Variants in ARID1B observed in about 807,000 individuals in gnomAD.
The protein encoded by ARID1B is AT-rich interaction domain 1B.
ARID1B carries 30 observed loss-of-function variants against 212.3 expected under a neutral mutation model. That is an observed-to-expected ratio of 0.14 (90% confidence interval 0.11 to 0.19). ARID1B has a LOEUF of 0.19. Among genes scored for constraint, ARID1B ranks in the 10% least tolerant of loss-of-function variants. ARID1B has a pLI of 1.00. For missense variants in ARID1B, 2,891 were observed against 3,204.0 expected (o/e 0.90, Z 2.36); for synonymous variants, 1,402 against 1,301.7 (o/e 1.08, Z -1.66).
intron 3 of ARID1B, among the ~76,000 whole-genome samples, chr6:156,914,899 C>CT (rs1331714591): frequency 4.6e-5 from 7 of 151,270 alleles, no homozygotes; most frequent in African/African-American, 1.2e-4. Flanking sequence ...CTTTTTTTTT[C>CT]TTTTTTTCCA....
At chr6:156,780,937 C>A (rs998137695) in intron 1 of ARID1B, among the ~76,000 whole-genome samples, 1 of 152,086 alleles carries the variant, frequency 6.6e-6, no homozygotes, top group African/African-American at 2.4e-5. Flanking sequence ...TTTACAAATT[C>A]AACTATGGAA....
chr6:156,810,694 G>A (rs1781496005), intron 1 of ARID1B, among the ~76,000 whole-genome samples: 2 of 152,264 alleles, frequency 1.3e-5, no homozygotes, highest in South Asian at 4.2e-4. Context: ...TGAAAGATGA[G>A]GAATCAGCCC....
intron 1 of ARID1B, among the ~76,000 whole-genome samples, chr6:156,817,893 G>C (rs1009272056): frequency 1.3e-5 from 2 of 151,984 alleles, no homozygotes; most frequent in African/African-American, 4.8e-5. Context: ...AGATACTTCA[G>C]GGTGTATTTC....
chr6:156,875,467 TG>T (rs1240078564), intron 2 of ARID1B, among the ~76,000 whole-genome samples: 4 of 152,260 alleles, frequency 2.6e-5, no homozygotes, highest in Non-Finnish European at 4.4e-5. Flanking sequence ...AAAAGCCAGG[TG>T]AGGTGAGAAA....
intron 4 of ARID1B, among the ~76,000 whole-genome samples, chr6:156,975,171 A>G (rs764531584): frequency 1.7e-4 from 26 of 152,284 alleles, no homozygotes; most frequent in Non-Finnish European, 3.5e-4. Context: ...ACCAGCACTT[A>G]TCTTTTGTCT....
rs574035888 is a variant in ARID1B at position 156,981,883 on chromosome 6, C to T, written c.2247+46307C>T. Among the ~76,000 whole-genome samples the T allele has an allele frequency of 2.0e-5, 3 of 152,220 alleles. No homozygotes were observed. In the South Asian group the frequency reaches 6.2e-4, roughly 32 times the overall value. On this transcript the variant is annotated intron_variant, in intron 4 of 19. Transcript: ENST00000636930. ...ACAACTGGGCAGTGCAGTCTTCATG[C>T]GGTCATACCTGCCAGAGAAGTTTTT...
intron 4 of ARID1B, among the ~76,000 whole-genome samples, chr6:157,058,417 A>C (rs1329969269): frequency 6.6e-6 from 1 of 151,978 alleles, no homozygotes; most frequent in African/African-American, 2.4e-5. Flanking sequence ...GGTACACACC[A>C]CCATGCTGGG....
At chr6:156,950,133 G>C (rs1238602884) in intron 4 of ARID1B, among the ~76,000 whole-genome samples, 1 of 152,152 alleles carries the variant, frequency 6.6e-6, no homozygotes, top group Non-Finnish European at 1.5e-5. Flanking sequence ...CAGTGATTGG[G>C]GTTCACCCTC....
At chr6:156,893,421 G>A (rs571607976) in intron 2 of ARID1B, among the ~76,000 whole-genome samples, 29 of 152,236 alleles carry the variant, frequency 1.9e-4, no homozygotes, top group Admixed American at 1.6e-3. Context: ...ACAAAAGAAA[G>A]GACAGACAAA....
At chr6:156,894,679 C>T (rs553021250) in intron 2 of ARID1B, among the ~76,000 whole-genome samples, 2 of 152,282 alleles carry the variant, frequency 1.3e-5, no homozygotes, top group East Asian at 3.9e-4. Context: ...AAAGGAGGAA[C>T]AAACTGATAA....
At chr6:156,841,177 AT>A (rs773638734) in intron 2 of ARID1B, among the ~76,000 whole-genome samples, 2 of 152,182 alleles carry the variant, frequency 1.3e-5, no homozygotes, top group African/African-American at 4.8e-5. Context: ...TTGTGCTGGG[AT>A]CACGGAAAGG....
chr6:157,050,583 G>A (rs1562578389), intron 4 of ARID1B, among the ~76,000 whole-genome samples: 3 of 152,060 alleles, frequency 2.0e-5, no homozygotes, highest in African/African-American at 7.2e-5. Context: ...GAATAATTTG[G>A]GAAGAAGAAA....
chr6:157,103,211 A>G (rs550595038), intron 5 of ARID1B, among the ~76,000 whole-genome samples: 2 of 152,300 alleles, frequency 1.3e-5, no homozygotes, highest in Admixed American at 6.5e-5. Flanking sequence ...CTAATTATCT[A>G]TTAATCTGAG....
intron 2 of ARID1B, among the ~76,000 whole-genome samples, chr6:156,863,028 A>G (rs1785444099): frequency 6.6e-6 from 1 of 152,240 alleles, no homozygotes; most frequent in African/African-American, 2.4e-5. Context: ...TCCTGGAGAC[A>G]GTGCCGGGTC....
At position 157,201,480 on chromosome 6, in the gene ARID1B, A is replaced by G; in HGVS notation, c.5255A>G (p.Lys1752Arg). The part of the protein sequence containing the change: ...VLKQRRKITS[K>R]DIVTPEAWRV... ...AAACAAAGGCGAAAGATTACCTCCA[A>G]AGATATCGGTAAGAATTCCAAAGCT... Residue 1752 changes from lysine to arginine, a missense_variant, in exon 18 of 20, where the codon AAA becomes AGA. By Grantham distance (26) the Lys-to-Arg change is conservative (BLOSUM62 2). Around this residue, in one of 7 missense-constraint regions of ARID1B, gnomAD observed 666 missense variants for 873.5 expected, o/e 0.76. Coordinates refer to ENST00000636930, the MANE Select transcript of ARID1B (RefSeq NM_001374828.1). This position sits in a 1 kb window ranked among gnomAD's most constrained non-coding sequence, Gnocchi z 5.2. 1 of 1,499,480 alleles carries G rather than the reference A, an allele frequency of 6.7e-7. No individual in the cohort carries two copies. The highest frequency in any genetic ancestry group is 8.9e-7 in the Non-Finnish European group (1 of 1,123,750). 92.9% of individuals were successfully genotyped at this position (1,499,480 alleles called of 1,614,324 possible).
At chr6:156,823,006 C>T (rs1782467376) in intron 1 of ARID1B, among the ~76,000 whole-genome samples, 1 of 152,212 alleles carries the variant, frequency 6.6e-6, no homozygotes, top group Non-Finnish European at 1.5e-5. Context: ...ACACAGATTG[C>T]TTCCCGATAT....
At chr6:157,146,020 T>G (rs1184136745) in intron 7 of ARID1B, among the ~76,000 whole-genome samples, 1 of 152,158 alleles carries the variant, frequency 6.6e-6, no homozygotes, top group African/African-American at 2.4e-5. Flanking sequence ...ATGGACAGGA[T>G]AAATCTCAAA....
chr6:157,038,384 C>T (rs2128510922), intron 4 of ARID1B, among the ~76,000 whole-genome samples: 1 of 152,076 alleles, frequency 6.6e-6, no homozygotes, highest in East Asian at 1.9e-4. Flanking sequence ...ATCCTATATG[C>T]TTGACATTTC....
Position 157,018,416 on chromosome 6 carries a change from A to T in ARID1B, c.2248-66246A>T, listed in dbSNP as rs190363023. Among the ~76,000 whole-genome samples the T allele has an allele frequency of 5.3e-4, 81 of 152,158 alleles. 1 individual carries two copies. Among genetic ancestry groups the T allele is most frequent in the African/African-American group, 1.9e-3 (80 of 41,506 alleles). On this transcript the variant is annotated intron_variant, in intron 4 of 19. Transcript: ENST00000636930. ...TTTTTAGTAGAGACAGAGTTTCACC[A>T]TATTGGCCAGGCAGGTCTCGAACTC...
Sources: allele counts gnomAD v4.1 joint callset (sites outside exome capture counted in the v4.1 genomes callset), GRCh38; gene constraint gnomAD v4.1.1; regional missense constraint gnomAD v4.1.1; non-coding constraint Gnocchi (gnomAD v3.1); transcripts MANE v1.5; gene names NCBI Gene and HGNC (gene_info 2026-07-23, HGNC 2026-07-21).